The following ZFPM2 variants were observed in gnomAD, a reference collection of about 807,000 sequenced individuals.
ZFPM2 encodes the protein zinc finger protein, FOG family member 2.
In ZFPM2, 20 loss-of-function variants were observed where a neutral mutation model predicts 98.6. The ratio of observed to expected loss-of-function variants is 0.20; its 90% CI spans 0.14 to 0.29. The LOEUF (loss-of-function observed/expected upper bound fraction) is 0.29. Among genes scored for constraint, ZFPM2 ranks in the 10% least tolerant of loss-of-function variants. The pLI is 1.00. For synonymous variants in ZFPM2, 518 were observed against 502.7 expected (o/e 1.03, Z -0.41); for missense variants, 1,310 against 1,388.6 (o/e 0.94, Z 0.90).
rs1814067619 is a variant in ZFPM2, at chr8:105,802,641, T to C, written c.2559T>C (p.Tyr853=). ...CGTCTCCCAAAAGGCTGCTGGACTA[T>C]CACGAGTGCACTGTGTGCAAGATCA... ...TTTSPKRLLD[Y]HECTVCKISF... is the part of the protein sequence containing the mutation. Residue 853 remains tyrosine (Y), a synonymous_variant, in exon 8 of 8, where the codon TAT becomes TAC. Coordinates refer to ENST00000407775, the MANE Select transcript of ZFPM2 (RefSeq NM_012082.4). 6.2e-7 allele frequency: 1 copy of C among 1,611,066 alleles called. No individual in the cohort carries two copies. Among genetic ancestry groups the C allele is most frequent in the Non-Finnish European group, 8.5e-7 (1 of 1,178,656 alleles).
At chr8:105,632,011 G>A (rs1213699322) in intron 4 of ZFPM2, among the ~76,000 whole-genome samples, 15 of 152,072 alleles carry the variant, frequency 9.9e-5, no homozygotes, top group Admixed American at 9.8e-4. Context: ...TTTTGAAATC[G>A]ATTATGTAAA....
At position 105,676,585 on chromosome 8, in the gene ZFPM2, G is replaced by A. The variant is rs1364412333; in HGVS notation, c.532+42228G>A. Among the ~76,000 whole-genome samples the A allele has an allele frequency of 4.0e-5, 6 of 151,840 alleles. 1 individual carries two copies. In the East Asian group the frequency reaches 5.8e-4, roughly 15 times the overall value. Reference sequence around the variant, plus strand: ...TGAAAAAAAGAAGTTGTAAAAATACGCATGGAAAAAATGACCATTGATTAT... The same window carrying A: ...TGAAAAAAAGAAGTTGTAAAAATACACATGGAAAAAATGACCATTGATTAT... On this transcript the variant is annotated intron_variant, in intron 5 of 7. Coordinates refer to ENST00000407775, the MANE Select transcript of ZFPM2 (RefSeq NM_012082.4).
At chr8:105,380,251 A>T (rs1810820175) in intron 1 of ZFPM2, among the ~76,000 whole-genome samples, 1 of 152,074 alleles carries the variant, frequency 6.6e-6, no homozygotes, top group Admixed American at 6.6e-5. Flanking sequence ...AAAAATATAT[A>T]AGATGCTGAT....
At chr8:105,702,924 A>G (rs1811171970) in intron 5 of ZFPM2, among the ~76,000 whole-genome samples, 1 of 152,224 alleles carries the variant, frequency 6.6e-6, no homozygotes, top group South Asian at 2.1e-4. Context: ...ACTCACAGAA[A>G]ACTTCGCATA....
Position 105,318,929 on chromosome 8 carries a change from A to AGCC in ZFPM2, c.-5_-3dup, listed in dbSNP as rs775256943. On this transcript the variant is annotated 5_prime_UTR_variant, in exon 1 of 8. Coordinates refer to ENST00000407775, the MANE Select transcript of ZFPM2 (RefSeq NM_012082.4). ...GCACCGCGGGAGCCCCAGCGGCAGC[A>AGCC]GCCGCCGCCGAGATGTCCCGGCGAA... 4 of 1,422,526 alleles carry AGCC rather than the reference A, an allele frequency of 2.8e-6. No individual in the cohort carries two copies. Among genetic ancestry groups the AGCC allele is most frequent in the Non-Finnish European group, 3.7e-6 (4 of 1,073,934 alleles). The allele number at this position is 1,422,526 out of a possible 1,614,324, so 88.1% of individuals were successfully genotyped here. A position where few individuals can be genotyped will look rare whatever the true frequency, so the allele number is the denominator to read the frequency against.
chr8:105,576,682 C>T (rs1288063826), intron 4 of ZFPM2, among the ~76,000 whole-genome samples: 1 of 152,180 alleles, frequency 6.6e-6, no homozygotes, highest in Admixed American at 6.5e-5. Flanking sequence ...TATATTAATG[C>T]TCCTACTTTG....
At chr8:105,522,174 A>G (rs1270572820) in intron 3 of ZFPM2, among the ~76,000 whole-genome samples, 1 of 152,220 alleles carries the variant, frequency 6.6e-6, no homozygotes, top group African/African-American at 2.4e-5. Context: ...CAAATTGTTA[A>G]TAGCTCTGGC....
intron 4 of ZFPM2, among the ~76,000 whole-genome samples, chr8:105,571,320 G>T (rs529476138): frequency 6.6e-6 from 1 of 152,328 alleles, no homozygotes; most frequent in East Asian, 1.9e-4. Context: ...TAGCATCCCT[G>T]CCTCTCTAGG....
At chr8:105,393,049 C>G (rs1339754474) in intron 1 of ZFPM2, among the ~76,000 whole-genome samples, 2 of 152,066 alleles carry the variant, frequency 1.3e-5, no homozygotes, top group Admixed American at 1.3e-4. Flanking sequence ...CGTCAGAATC[C>G]CTCAATGTTC....
At chr8:105,630,437 A>G (rs1816735873) in intron 4 of ZFPM2, among the ~76,000 whole-genome samples, 1 of 152,122 alleles carries the variant, frequency 6.6e-6, no homozygotes, top group Non-Finnish European at 1.5e-5. Flanking sequence ...AGCTGTAATA[A>G]CTGGTCCCTT....
intron 5 of ZFPM2, among the ~76,000 whole-genome samples, chr8:105,682,678 G>C (rs1054143683): frequency 6.6e-6 from 1 of 152,084 alleles, no homozygotes; most frequent in Admixed American, 6.6e-5. Flanking sequence ...AGAATGGCCA[G>C]AACTCAGTCA....
Position 105,793,780 on chromosome 8 carries a change from T to C in ZFPM2, c.739+4856T>C, listed in dbSNP as rs1441804301. On this transcript the variant is annotated intron_variant, in intron 6 of 7. Coordinates refer to ENST00000407775, the MANE Select transcript of ZFPM2 (RefSeq NM_012082.4). ...TCCCATATTTCTTGGAGGCTTTGTTTGTTTCTTTTTATTCTTTTTTCTCTA... is the reference window on the plus strand; with the variant it reads ...TCCCATATTTCTTGGAGGCTTTGTTCGTTTCTTTTTATTCTTTTTTCTCTA... Among the ~76,000 whole-genome samples the C allele has an allele frequency of 2.0e-5, 3 of 151,194 alleles. No individual in the cohort carries two copies. In the East Asian group the frequency reaches 5.8e-4, roughly 29 times the overall value.
chr8:105,374,231 T>G (rs1219205814), intron 1 of ZFPM2, among the ~76,000 whole-genome samples: 1 of 152,164 alleles, frequency 6.6e-6, no homozygotes, highest in African/African-American at 2.4e-5. Flanking sequence ...AAACTAGTCT[T>G]GGGTGAAACT....
chr8:105,508,840 GATTTTTTTTGAAAAAAAAAA>G (rs758568555), intron 3 of ZFPM2, among the ~76,000 whole-genome samples: 51 of 148,894 alleles, frequency 3.4e-4, no homozygotes, highest in Non-Finnish European at 6.8e-4. Context: ...TGGGGTTTTG[GATTTTTTTTGAAAAAAAAAA>G]ATTTTTTTTT....
At chr8:105,377,894 AT>A (rs1460678185) in intron 1 of ZFPM2, among the ~76,000 whole-genome samples, 1 of 152,114 alleles carries the variant, frequency 6.6e-6, no homozygotes, top group African/African-American at 2.4e-5. Context: ...CAACAATTTG[AT>A]TTCTTTGAAG....
At chr8:105,464,106 C>T (rs1470253947) in intron 3 of ZFPM2, among the ~76,000 whole-genome samples, 1 of 152,056 alleles carries the variant, frequency 6.6e-6, no homozygotes, top group Non-Finnish European at 1.5e-5. Context: ...CCTCTTCAGA[C>T]ATTCTTGCAG....
At chr8:105,704,113 A>ATC (rs33938120) in intron 5 of ZFPM2, among the ~76,000 whole-genome samples, 125 of 150,844 alleles carry the variant, frequency 8.3e-4, no homozygotes, top group African/African-American at 2.9e-3. Flanking sequence ...ACACCAAGCT[A>ATC]TCTCTCTCTC....
intron 3 of ZFPM2, among the ~76,000 whole-genome samples, chr8:105,476,640 C>G (rs1813017641): frequency 6.6e-6 from 1 of 152,104 alleles, no homozygotes; most frequent in Non-Finnish European, 1.5e-5. Context: ...GGGATGAGAA[C>G]CTTGTCTATC....
chr8:105,579,427 T>A (rs1205626840), intron 4 of ZFPM2, among the ~76,000 whole-genome samples: 1 of 152,184 alleles, frequency 6.6e-6, no homozygotes, highest in African/African-American at 2.4e-5. Flanking sequence ...TATCACTGAT[T>A]CATAAGGATT....
Sources: gnomAD v4.1 joint callset for allele counts (sites outside exome capture counted in the v4.1 genomes callset) on GRCh38, gnomAD v4.1.1 for gene constraint, MANE v1.5 for transcripts, NCBI Gene and HGNC (gene_info 2026-07-23, HGNC 2026-07-21) for gene names.